The following TPRG1 variants were observed in gnomAD, a reference collection of about 807,000 sequenced individuals.
TPRG1 encodes the protein tumor protein p63 regulated 1.
In TPRG1, 29 loss-of-function variants were observed where a neutral mutation model predicts 29.3. That is an observed-to-expected ratio of 0.99 (90% CI 0.74 to 1.35). TPRG1 has a LOEUF of 1.35. Among genes scored for constraint, TPRG1 ranks in the 40% most tolerant of loss-of-function variants. TPRG1 has a pLI of 0.00. For synonymous variants in TPRG1, 130 were observed against 116.8 expected (o/e 1.11, Z -0.73); for missense variants, 327 against 335.0 (o/e 0.98, Z 0.19).
At chr3:189,021,795 G>A (rs1416390471) in intron 3 of TPRG1, among the ~76,000 whole-genome samples, 1 of 152,130 alleles carries the variant, frequency 6.6e-6, no homozygotes, top group Non-Finnish European at 1.5e-5. Context: ...CTAGATTGGG[G>A]AAGTTCTCCT....
At chr3:189,033,841 G>T (rs1714092021) in intron 4 of TPRG1, among the ~76,000 whole-genome samples, 1 of 152,132 alleles carries the variant, frequency 6.6e-6, no homozygotes, top group Non-Finnish European at 1.5e-5. Flanking sequence ...CTCCCAAAGT[G>T]CTGGGATTAC....
intron 1 of TPRG1, among the ~76,000 whole-genome samples, chr3:188,997,479 T>G (rs1276936106): frequency 6.6e-6 from 1 of 152,192 alleles, no homozygotes. Flanking sequence ...AATGTTTTTC[T>G]TATGAAGTAC....
intron 2 of TPRG1, among the ~76,000 whole-genome samples, chr3:189,130,404 A>T (rs983880119): frequency 6.6e-6 from 1 of 152,256 alleles, no homozygotes; most frequent in Non-Finnish European, 1.5e-5. Context: ...ACCTGAAAAA[A>T]TTAAACTTCT....
intron 3 of TPRG1, among the ~76,000 whole-genome samples, chr3:189,234,898 G>A (rs943606314): frequency 6.6e-6 from 1 of 152,210 alleles, no homozygotes; most frequent in African/African-American, 2.4e-5. Context: ...AGAGGTTTGA[G>A]AAGGCTTGCT....
chr3:189,080,244 G>A (rs1185615040), intron 4 of TPRG1, among the ~76,000 whole-genome samples: 1 of 152,054 alleles, frequency 6.6e-6, no homozygotes, highest in African/African-American at 2.4e-5. Context: ...TCATTTCTGT[G>A]ACAGAAATGC....
At chr3:189,222,207 G>A (rs1040570425) in intron 3 of TPRG1, among the ~76,000 whole-genome samples, 1 of 152,136 alleles carries the variant, frequency 6.6e-6, no homozygotes, top group Non-Finnish European at 1.5e-5. Flanking sequence ...ATGCCTGTAA[G>A]GGATGGTGGG....
At chr3:189,224,267 G>A (rs1435656068) in intron 3 of TPRG1, among the ~76,000 whole-genome samples, 2 of 152,182 alleles carry the variant, frequency 1.3e-5, no homozygotes, top group Non-Finnish European at 2.9e-5. Context: ...TGGATCACGA[G>A]GTCAAGAGAT....
At chr3:189,315,279 TGTGTGTGTGTGTGTG>T (rs934549692) in intron 5 of TPRG1, among the ~76,000 whole-genome samples, 2 of 53,854 alleles carry the variant, frequency 3.7e-5, no homozygotes, top group Non-Finnish European at 6.4e-5. Flanking sequence ...CTGAAAGAAT[TGTGTGTGTGTGTGTG>T]TGTGTGTGTG....
intron 5 of TPRG1, among the ~76,000 whole-genome samples, chr3:189,152,804 G>T (rs200200484): frequency 0.044 from 3,574 of 80,732 alleles, no homozygotes; most frequent in South Asian, 0.081. Context: ...ATTGCTACCT[G>T]CCATTATTAT....
rs1394150121 is a variant in TPRG1, at chr3:189,238,827, G to A, written c.397G>A (p.Val133Met). The change falls in exon 4 of 6, where the codon GTG becomes ATG. Residue 133 changes from valine to methionine, a missense_variant. Coordinates refer to ENST00000345063, the MANE Select transcript of TPRG1 (RefSeq NM_198485.4). The part of the protein sequence containing the change: ...CKYDFIMLSC[V>M]QLQRIPLSAV... ...ATACGACTTCATCATGCTGAGTTGT[G>A]TGCAGCTGCAGCGGATTCCTCTGAG... 6.2e-7 allele frequency: 1 copy of A among 1,613,810 alleles called. No homozygotes were observed. The highest frequency in any genetic ancestry group is 1.7e-5 in the Admixed American group (1 of 60,002).
chr3:189,004,080 C>A (rs776664618), intron 2 of TPRG1, among the ~76,000 whole-genome samples: 4 of 152,012 alleles, frequency 2.6e-5, no homozygotes, highest in Non-Finnish European at 5.9e-5. Flanking sequence ...CCAAAAAAGA[C>A]AAAATGTTTG....
At chr3:189,026,263 C>G (rs1439618881) in intron 4 of TPRG1, among the ~76,000 whole-genome samples, 2 of 152,126 alleles carry the variant, frequency 1.3e-5, no homozygotes, top group Admixed American at 6.5e-5. Flanking sequence ...GAGAGAGAGA[C>G]AGTGAGAAAA....
upstream of TPRG1, among the ~76,000 whole-genome samples, chr3:189,098,613 T>A (rs1349309328): frequency 1.3e-5 from 2 of 152,076 alleles, no homozygotes; most frequent in Admixed American, 1.3e-4. Flanking sequence ...GGGAGTGGGT[T>A]GTTCTCATAA....
Position 189,145,094 on chromosome 3 carries a change from T to TACA in TPRG1, c.-290-2490_-290-2489insACA. ...TAAAAATGACACCGGCCGGGTGCGG[T>TACA]GGCTCAAGCCTGTAATCCCAGCACT... On this transcript the variant is annotated intron_variant, in intron 3 of 6. Coordinates refer to the TPRG1 transcript ENST00000412373. Among the ~76,000 whole-genome samples, 3 of 152,230 alleles carry TACA rather than the reference T, an allele frequency of 2.0e-5. No homozygotes were observed. In the South Asian group the frequency reaches 6.2e-4, roughly 32 times the overall value.
At chr3:189,051,300 C>T (rs1257332765) in intron 4 of TPRG1, among the ~76,000 whole-genome samples, 1 of 152,070 alleles carries the variant, frequency 6.6e-6, no homozygotes, top group Non-Finnish European at 1.5e-5. Flanking sequence ...AGCGACCAAG[C>T]AGAGAATCAA....
At chr3:189,133,866 A>G (rs187228175) in intron 3 of TPRG1, among the ~76,000 whole-genome samples, 1 of 152,296 alleles carries the variant, frequency 6.6e-6, no homozygotes, top group East Asian at 1.9e-4. Flanking sequence ...ACCATCACAG[A>G]ATGGATTAGT....
intron 1 of TPRG1, among the ~76,000 whole-genome samples, chr3:189,197,218 T>C (rs1249227971): frequency 6.6e-6 from 1 of 152,226 alleles, no homozygotes; most frequent in Non-Finnish European, 1.5e-5. Flanking sequence ...TAACAAAGGC[T>C]ACTGCAGGTC....
In TPRG1 at chr3:189,130,150, C is replaced by G. The variant is rs145454605; in HGVS notation, c.-589-2249C>G. Among the ~76,000 whole-genome samples, 1,176 of 152,288 alleles carry G rather than the reference C, an allele frequency of 7.7e-3. 5 individuals carry two copies. Among genetic ancestry groups the G allele is most frequent in the Non-Finnish European group, 0.013 (895 of 68,020 alleles). On this transcript the variant is annotated intron_variant, in intron 2 of 6. Coordinates refer to the TPRG1 transcript ENST00000412373. The stretch of plus-strand genomic sequence containing the variant: ...CAACCAGATGATCATGATGTATGTA[C>G]AGATCTTGGCACATACATCATGTGC...
intron 2 of TPRG1, among the ~76,000 whole-genome samples, chr3:189,208,588 G>T (rs1219461190): frequency 6.6e-6 from 1 of 152,166 alleles, no homozygotes; most frequent in Non-Finnish European, 1.5e-5. Flanking sequence ...GTGTGTGCCT[G>T]TGTGAGTCTG....
Sources: allele counts gnomAD v4.1 joint callset (sites outside exome capture counted in the v4.1 genomes callset), GRCh38; gene constraint gnomAD v4.1.1; transcripts MANE v1.5; gene names NCBI Gene and HGNC (gene_info 2026-07-23, HGNC 2026-07-21).